The following YAF2 variants were observed in gnomAD, a reference collection of about 807,000 sequenced individuals.
YAF2 encodes the protein YY1 associated factor 2.
In YAF2, 7 loss-of-function variants were observed where a neutral mutation model predicts 20.1. The ratio of observed to expected loss-of-function variants is 0.35; its 90% CI spans 0.20 to 0.65. The LOEUF is 0.65. Ranked by LOEUF, YAF2 falls within the 30% of genes least tolerant of loss-of-function variation. The probability of loss-of-function intolerance (pLI) is 0.69; values close to 1 mark genes in which losing one functional copy is unlikely to be tolerated. For missense variants in YAF2, 151 were observed against 219.2 expected (o/e 0.69, Z 1.96); for synonymous variants, 74 against 76.0 (o/e 0.97, Z 0.14).
Position 42,160,556 on chromosome 12 carries a change from C to A in YAF2, c.*33G>T. 1.3e-6 allele frequency: 2 copies of A among 1,550,066 alleles called. No individual in the cohort carries two copies. Among genetic ancestry groups the A allele is most frequent in the Admixed American group, 1.7e-5 (1 of 59,150 alleles). Reference sequence around the variant, plus strand: ...TAATCTGTGTATTTGCATGGTAGGACAGAAGTGACTAAGAAATTGGAGAAA... The same window carrying A: ...TAATCTGTGTATTTGCATGGTAGGAAAGAAGTGACTAAGAAATTGGAGAAA... On this transcript the variant is annotated 3_prime_UTR_variant, in exon 4 of 4. Transcript: ENST00000534854.
intron 2 of YAF2, chr12:42,237,287 AT>A: frequency 1.7e-6 from 1 of 596,834 alleles, no homozygotes; most frequent in South Asian, 5.2e-5. Flanking sequence ...TGCAGCCAAC[AT>A]TTTTATACCC....
At chr12:42,226,843 G>C (rs139878172) in intron 2 of YAF2, among the ~76,000 whole-genome samples, 1 of 151,586 alleles carries the variant, frequency 6.6e-6, no homozygotes, top group Non-Finnish European at 1.5e-5. Context: ...TAGACATCTT[G>C]AGAGGAGGTC....
intron 2 of YAF2, among the ~76,000 whole-genome samples, chr12:42,174,260 T>G (rs1224911332): frequency 6.6e-6 from 1 of 152,068 alleles, no homozygotes; most frequent in Non-Finnish European, 1.5e-5. Context: ...GTCCTTCCAC[T>G]CCAGCAAAAT....
At chr12:42,206,282 C>A in intron 2 of YAF2, among the ~76,000 whole-genome samples, 1 of 135,930 alleles carries the variant, frequency 7.4e-6, no homozygotes, top group Non-Finnish European at 1.5e-5. Flanking sequence ...AATTATAATG[C>A]AATATGCTCT....
chr12:42,175,829 A>G (rs1022830601), intron 2 of YAF2, among the ~76,000 whole-genome samples: 10 of 150,564 alleles, frequency 6.6e-5, no homozygotes, highest in African/African-American at 2.2e-4. Flanking sequence ...AAATTTTTTG[A>G]AAGTTCTCAA....
intron 2 of YAF2, chr12:42,199,249 T>C: frequency 7.8e-7 from 1 of 1,279,900 alleles, no homozygotes; most frequent in South Asian, 1.2e-5. Flanking sequence ...GCAAAAGGGT[T>C]ACAGAGTAAG....
intron 1 of YAF2, 46 bp downstream of exon 1, chr12:42,238,109 C>T (rs774671597): frequency 4.8e-6 from 7 of 1,457,248 alleles, no homozygotes; most frequent in African/African-American, 1.5e-5. Flanking sequence ...TGCACGAGGG[C>T]CCTGCCGCCC....
chr12:42,186,017 G>A (rs115704573), intron 2 of YAF2, among the ~76,000 whole-genome samples: 7,010 of 151,924 alleles, frequency 0.046, 262 homozygotes, highest in East Asian at 0.15. Flanking sequence ...CCTGACCAAC[G>A]TGGTGAAACC....
intron 2 of YAF2, among the ~76,000 whole-genome samples, chr12:42,167,215 G>C (rs2065936454): frequency 6.6e-6 from 1 of 152,048 alleles, no homozygotes; most frequent in Admixed American, 6.6e-5. Flanking sequence ...TAGATGACGG[G>C]TTGACAGTTA....
At chr12:42,209,855 A>G (rs1310793151) in intron 2 of YAF2, among the ~76,000 whole-genome samples, 1 of 152,048 alleles carries the variant, frequency 6.6e-6, no homozygotes, top group Admixed American at 6.6e-5. Flanking sequence ...TTGGAGTGCA[A>G]TGGCACAATC....
At chr12:42,220,362 C>T (rs2067477801) in intron 2 of YAF2, among the ~76,000 whole-genome samples, 1 of 152,014 alleles carries the variant, frequency 6.6e-6, no homozygotes, top group Admixed American at 6.6e-5. Context: ...TCCCCCACAC[C>T]CAGATTCTTT....
chr12:42,167,597 T>C (rs541322378), intron 2 of YAF2, among the ~76,000 whole-genome samples: 40 of 152,350 alleles, frequency 2.6e-4, no homozygotes, highest in African/African-American at 8.7e-4. Context: ...ACAATACACA[T>C]ATCCTGTAAC....
intron 2 of YAF2, among the ~76,000 whole-genome samples, chr12:42,172,567 T>C (rs1282078557): frequency 2.0e-5 from 3 of 152,124 alleles, no homozygotes; most frequent in African/African-American, 7.2e-5. Flanking sequence ...TTTAAAAGGT[T>C]TGAAAAATAC....
intron 2 of YAF2, among the ~76,000 whole-genome samples, chr12:42,199,879 G>C (rs2066852884): frequency 1.3e-5 from 2 of 152,062 alleles, no homozygotes; most frequent in Non-Finnish European, 2.9e-5. Flanking sequence ...CATTACTCAA[G>C]TCAGAGTTCT....
chr12:42,184,913 C>T (rs963048282), intron 2 of YAF2, among the ~76,000 whole-genome samples: 2 of 152,202 alleles, frequency 1.3e-5, no homozygotes, highest in South Asian at 2.1e-4. Context: ...TGGTGGCTTA[C>T]GCCTATAATC....
chr12:42,174,084 A>T lies in YAF2; in HGVS notation c.153-12319T>A, dbSNP rs374034272. ...TGTCAGCATACAAAATATTTCAATA[A>T]TTCATACCTCAAAAAGAAAAAAAAA... On this transcript the variant is annotated intron_variant, in intron 2 of 3. Transcript: ENST00000534854. Among the ~76,000 whole-genome samples the T allele has an allele frequency of 1.1e-4, 16 of 148,442 alleles. No individual in the cohort carries two copies. In the East Asian group the frequency reaches 2.0e-3, roughly 19 times the overall value.
In YAF2 at chr12:42,160,037, T is replaced by C. The variant is rs1200245762; in HGVS notation, c.*552A>G. The C allele has an allele frequency of 1.3e-5, 2 of 152,558 alleles. No homozygotes were observed. The highest frequency in any genetic ancestry group is 2.4e-5 in the African/African-American group (1 of 41,428). 9.5% of individuals were successfully genotyped at this position (152,558 alleles called of 1,614,324 possible). ...TAATTAGTAAAACGTGTCAAAAACA[T>C]TGGCAAAGGTTCATACAAATTCTTT... is the stretch of plus-strand genomic sequence containing the variant. On this transcript the variant is annotated 3_prime_UTR_variant, in exon 4 of 4. Transcript: ENST00000534854.
At chr12:42,228,442 C>CT in intron 2 of YAF2, among the ~76,000 whole-genome samples, 1 of 56,334 alleles carries the variant, frequency 1.8e-5, no homozygotes, top group Non-Finnish European at 3.1e-5. Context: ...GTCAGCCCCC[C>CT]GCCTGGCCAG....
intron 2 of YAF2, among the ~76,000 whole-genome samples, chr12:42,186,600 C>T (rs12315471): frequency 0.062 from 9,478 of 151,770 alleles, 489 homozygotes; most frequent in East Asian, 0.15. Context: ...TCGCTCGAAC[C>T]CAGGAGGTGG....
Sources: allele counts gnomAD v4.1 joint callset (sites outside exome capture counted in the v4.1 genomes callset), GRCh38; gene constraint gnomAD v4.1.1; transcripts MANE v1.5; gene names NCBI Gene and HGNC (gene_info 2026-07-23, HGNC 2026-07-21).